SVIL: variants seen among roughly 807,000 people sequenced by gnomAD.
SVIL encodes archvillin.
A neutral mutation model predicts 240.4 loss-of-function variants in SVIL; 101 were observed. The observed-to-expected ratio is 0.42, with a 90% confidence interval of 0.36 to 0.50. The LOEUF is 0.50. SVIL is among the 20% of genes least tolerant of loss of function. The probability of loss-of-function intolerance (pLI) is 0.01; values close to 1 mark genes in which losing one functional copy is unlikely to be tolerated. For missense variants in SVIL, 2,512 were observed against 2,818.7 expected (o/e 0.89, Z 2.46); for synonymous variants, 999 against 1,100.0 (o/e 0.91, Z 1.82).
chr10:29,509,787 T>C (rs1456195892), intron 17 of SVIL, among the ~76,000 whole-genome samples: 3 of 152,002 alleles, frequency 2.0e-5, no homozygotes, highest in Non-Finnish European at 4.4e-5. Flanking sequence ...GAGGCGGAGG[T>C]TGCGGTGAGC....
intron 6 of SVIL, among the ~76,000 whole-genome samples, chr10:29,547,235 T>G (rs1371514770): frequency 2.0e-5 from 3 of 152,222 alleles, no homozygotes; most frequent in Admixed American, 2.0e-4. Flanking sequence ...GAATCACTGC[T>G]GTCATTACAA....
intron 1 of SVIL, among the ~76,000 whole-genome samples, chr10:29,579,044 C>A (rs1955823772): frequency 6.6e-6 from 1 of 152,176 alleles, no homozygotes; most frequent in African/African-American, 2.4e-5. Flanking sequence ...TCTATTTCAC[C>A]TACTTCGTTA....
intron 1 of SVIL, among the ~76,000 whole-genome samples, chr10:29,593,427 C>T (rs1956465441): frequency 6.6e-6 from 1 of 152,182 alleles, no homozygotes; most frequent in South Asian, 2.1e-4. Flanking sequence ...TCCCCATCTG[C>T]CCATCAGGAA....
At chr10:29,529,434 A>G (rs1233623419) in intron 12 of SVIL, among the ~76,000 whole-genome samples, 1 of 152,086 alleles carries the variant, frequency 6.6e-6, no homozygotes, top group Non-Finnish European at 1.5e-5. Flanking sequence ...TCATGTTTCT[A>G]TTTTCCGTTG....
chr10:29,467,661 C>G (rs1361928275), intron 33 of SVIL, 81 bp downstream of exon 33: 2 of 1,564,430 alleles, frequency 1.3e-6, no homozygotes, highest in African/African-American at 1.3e-5. Context: ...CCACTATACT[C>G]CAGCCTGGAT....
intron 32 of SVIL, among the ~76,000 whole-genome samples, chr10:29,468,456 T>G (rs963286185): frequency 2.0e-5 from 3 of 151,432 alleles, no homozygotes; most frequent in Admixed American, 6.6e-5. Context: ...GGTAGATATC[T>G]AGTAGAGTTG....
At chr10:29,732,885 T>G (rs114604552) in intron 1 of SVIL, among the ~76,000 whole-genome samples, 4,521 of 152,144 alleles carry the variant, frequency 0.03, 215 homozygotes, top group African/African-American at 0.1. Context: ...TCCTACCATC[T>G]TGGCCATTAG....
At chr10:29,652,508 ATAT>A (rs1349341007) in intron 3 of SVIL, among the ~76,000 whole-genome samples, 8 of 152,200 alleles carry the variant, frequency 5.3e-5, no homozygotes, top group Non-Finnish European at 7.3e-5. Context: ...GCTGCTAGAA[ATAT>A]TATTATTTTT....
chr10:29,633,458 C>A (rs1958188149), intron 1 of SVIL, among the ~76,000 whole-genome samples: 1 of 152,078 alleles, frequency 6.6e-6, no homozygotes, highest in South Asian at 2.1e-4. Context: ...TAACCACATC[C>A]TCCCAAATGC....
intron 1 of SVIL, among the ~76,000 whole-genome samples, chr10:29,597,495 G>A (rs982795806): frequency 6.6e-6 from 1 of 152,114 alleles, no homozygotes; most frequent in African/African-American, 2.4e-5. Context: ...TTGGCTCACT[G>A]CAACCTCCAC....
At chr10:29,576,449 ATGTT>A (rs1408551298) in intron 1 of SVIL, among the ~76,000 whole-genome samples, 2 of 152,146 alleles carry the variant, frequency 1.3e-5, no homozygotes, top group Admixed American at 6.5e-5. Context: ...TGTTTTTACA[ATGTT>A]TGTGGTTTAT....
At chr10:29,672,553 T>C (rs1959861888) in intron 2 of SVIL, among the ~76,000 whole-genome samples, 1 of 152,204 alleles carries the variant, frequency 6.6e-6, no homozygotes, top group African/African-American at 2.4e-5. Context: ...CAATTTTCCT[T>C]AGGGTAAAAA....
chr10:29,552,775 G>A (rs1388249837), intron 5 of SVIL, among the ~76,000 whole-genome samples: 1 of 151,890 alleles, frequency 6.6e-6, no homozygotes, highest in East Asian at 1.9e-4. Context: ...TTTGGAGTTT[G>A]GTATGAATTG....
intron 1 of SVIL, among the ~76,000 whole-genome samples, chr10:29,726,659 A>C (rs1002520858): frequency 6.6e-6 from 1 of 152,146 alleles, no homozygotes; most frequent in South Asian, 2.1e-4. Flanking sequence ...AGGCAGGAGA[A>C]TGGCTTGAAC....
chr10:29,549,909 T>G, intron 6 of SVIL, among the ~76,000 whole-genome samples: 1 of 131,240 alleles, frequency 7.6e-6, no homozygotes, highest in Non-Finnish European at 1.6e-5. Context: ...CATTGGGAGA[T>G]ATACCTAATG....
chr10:29,718,094 G>A (rs1378700715), intron 1 of SVIL, among the ~76,000 whole-genome samples: 4 of 152,054 alleles, frequency 2.6e-5, no homozygotes, highest in East Asian at 3.9e-4. Context: ...TTGGGAGGCC[G>A]AGGCGGGTGG....
At chr10:29,601,344 T>C (rs1373381866) in intron 1 of SVIL, among the ~76,000 whole-genome samples, 4 of 152,256 alleles carry the variant, frequency 2.6e-5, no homozygotes, top group Admixed American at 6.5e-5. Context: ...TGCTCCTCTG[T>C]ATCTATCAAC....
chr10:29,656,029 C>T (rs776503982), intron 3 of SVIL, among the ~76,000 whole-genome samples: 9 of 146,490 alleles, frequency 6.1e-5, no homozygotes, highest in African/African-American at 1.0e-4. Context: ...TGGCACCACG[C>T]CCAGCTAATT....
At chr10:29,567,056 T>G (rs2132710397) in intron 2 of SVIL, among the ~76,000 whole-genome samples, 1 of 152,366 alleles carries the variant, frequency 6.6e-6, no homozygotes, top group South Asian at 2.1e-4. Flanking sequence ...CTTTTGGATT[T>G]TTTTCCAACT....
Sources: gnomAD v4.1 joint callset for allele counts (sites outside exome capture counted in the v4.1 genomes callset) on GRCh38, gnomAD v4.1.1 for gene constraint, MANE v1.5 for transcripts, NCBI Gene and HGNC (gene_info 2026-07-23, HGNC 2026-07-21) for gene names.